Variants in DCDC2 observed in about 807,000 individuals in gnomAD.
The protein encoded by DCDC2 is doublecortin domain-containing protein 2.
DCDC2 carries 40 observed loss-of-function variants against 50.2 expected under a neutral mutation model. The observed-to-expected ratio is 0.80, with a 90% CI of 0.62 to 1.04. The LOEUF (loss-of-function observed/expected upper bound fraction) is 1.04. Among genes scored for constraint, DCDC2 ranks in the 50% least tolerant of loss-of-function variants. DCDC2 has a pLI of 0.00. For synonymous variants in DCDC2, 234 were observed against 210.6 expected (o/e 1.11, Z -0.96); for missense variants, 570 against 581.9 (o/e 0.98, Z 0.21).
chr6:24,228,038 A>G (rs1463985436), intron 7 of DCDC2, among the ~76,000 whole-genome samples: 1 of 152,222 alleles, frequency 6.6e-6, no homozygotes. Flanking sequence ...GTTTTAATTC[A>G]TAGGTGGAAA....
intron 7 of DCDC2, among the ~76,000 whole-genome samples, chr6:24,244,640 T>G (rs1181159477): frequency 2.0e-5 from 3 of 152,216 alleles, no homozygotes; most frequent in Non-Finnish European, 4.4e-5. Flanking sequence ...CTCCTACTTT[T>G]CCTCTCCATT....
intron 2 of DCDC2, among the ~76,000 whole-genome samples, chr6:24,315,615 G>T (rs1391380383): frequency 6.6e-6 from 1 of 152,102 alleles, no homozygotes; most frequent in Non-Finnish European, 1.5e-5. Context: ...AACAGAGAGG[G>T]TTAGTGATAC....
At chr6:24,352,151 AC>A in intron 2 of DCDC2, among the ~76,000 whole-genome samples, 1 of 152,168 alleles carries the variant, frequency 6.6e-6, no homozygotes. Context: ...TCTATTGCAC[AC>A]CTGTTGTCTT....
intron 2 of DCDC2, among the ~76,000 whole-genome samples, chr6:24,324,332 GAA>G (rs1204128095): frequency 2.6e-5 from 4 of 152,158 alleles, no homozygotes; most frequent in Non-Finnish European, 5.9e-5. Flanking sequence ...CTACTAGAAT[GAA>G]ACACATTCAC....
At chr6:24,252,487 T>C (rs185174977) in intron 7 of DCDC2, among the ~76,000 whole-genome samples, 6 of 152,188 alleles carry the variant, frequency 3.9e-5, no homozygotes, top group African/African-American at 7.2e-5. Flanking sequence ...AGGGCGATGA[T>C]TGAAACCAGA....
intron 4 of DCDC2, among the ~76,000 whole-genome samples, chr6:24,295,591 A>G (rs1166117195): frequency 6.6e-6 from 1 of 152,178 alleles, no homozygotes; most frequent in Admixed American, 6.5e-5. Flanking sequence ...TCGGCCCAAA[A>G]GCTCTTTCAG....
intron 2 of DCDC2, among the ~76,000 whole-genome samples, chr6:24,306,756 TG>T (rs1477250254): frequency 2.6e-5 from 4 of 152,166 alleles, no homozygotes; most frequent in Admixed American, 2.6e-4. Context: ...ATGTCACAGA[TG>T]ACCATACAAA....
chr6:24,279,019 G>A (rs924132919), intron 6 of DCDC2, among the ~76,000 whole-genome samples: 4 of 152,050 alleles, frequency 2.6e-5, no homozygotes, highest in Middle Eastern at 3.2e-3. Context: ...GTTATCTCTG[G>A]TCCCCATGTG....
At chr6:24,273,467 A>G (rs928157375) in intron 7 of DCDC2, among the ~76,000 whole-genome samples, 7 of 152,240 alleles carry the variant, frequency 4.6e-5, no homozygotes, top group Non-Finnish European at 1.0e-4. Context: ...TTTCTGGTAT[A>G]GGGTGAATGT....
At chr6:24,194,470 G>A (rs750247227) in intron 8 of DCDC2, among the ~76,000 whole-genome samples, 1 of 152,074 alleles carries the variant, frequency 6.6e-6, no homozygotes, top group African/African-American at 2.4e-5. Context: ...TCACTCCAAA[G>A]TTACTATCTC....
intron 4 of DCDC2, among the ~76,000 whole-genome samples, chr6:24,295,888 G>T (rs1759223216): frequency 6.6e-6 from 1 of 152,086 alleles, no homozygotes; most frequent in Non-Finnish European, 1.5e-5. Flanking sequence ...CATGAAAATG[G>T]CCATATACTG....
chr6:24,246,479 C>CTTTTTTTTTTTTTTTTTTTTTT (rs4052666), intron 7 of DCDC2, among the ~76,000 whole-genome samples: 1 of 70,782 alleles, frequency 1.4e-5, no homozygotes, highest in Non-Finnish European at 2.4e-5. Flanking sequence ...TTTTCTTTTT[C>CTTTTTTTTTTTTTTTTTTTTTT]TTTTTTTTTT....
At chr6:24,239,038 G>A (rs1177291611) in intron 7 of DCDC2, among the ~76,000 whole-genome samples, 2 of 152,138 alleles carry the variant, frequency 1.3e-5, no homozygotes, top group African/African-American at 4.8e-5. Flanking sequence ...TCTGTGGTAG[G>A]TTGCCATACT....
At chr6:24,198,042 T>C (rs1581580946) in intron 8 of DCDC2, among the ~76,000 whole-genome samples, 2 of 152,144 alleles carry the variant, frequency 1.3e-5, no homozygotes, top group South Asian at 4.1e-4. Context: ...ACACAACTCC[T>C]AGAAGTACAG....
intron 8 of DCDC2, among the ~76,000 whole-genome samples, chr6:24,196,551 T>C (rs1016270496): frequency 1.3e-5 from 2 of 152,072 alleles, no homozygotes; most frequent in Non-Finnish European, 2.9e-5. Flanking sequence ...CTCCCGATTA[T>C]CTGGAATTAC....
intron 2 of DCDC2, among the ~76,000 whole-genome samples, chr6:24,320,461 A>G (rs1320581219): frequency 1.3e-5 from 2 of 152,130 alleles, no homozygotes; most frequent in Admixed American, 6.5e-5. Flanking sequence ...CTTCCCAAGT[A>G]GCTGGGATTA....
intron 2 of DCDC2, among the ~76,000 whole-genome samples, chr6:24,346,611 C>T (rs779057483): frequency 3.9e-5 from 6 of 151,988 alleles, no homozygotes; most frequent in South Asian, 2.1e-4. Flanking sequence ...TAAATTTAGC[C>T]GGGTGTAGTG....
intron 2 of DCDC2, among the ~76,000 whole-genome samples, chr6:24,345,298 C>T (rs1427844637): frequency 6.6e-6 from 1 of 152,074 alleles, no homozygotes; most frequent in Non-Finnish European, 1.5e-5. Flanking sequence ...GTAGGAAATC[C>T]TATAGTATGT....
intron 2 of DCDC2, among the ~76,000 whole-genome samples, chr6:24,311,698 A>G (rs1179724331): frequency 7.9e-5 from 12 of 152,186 alleles, no homozygotes; most frequent in Admixed American, 7.9e-4. Context: ...GAGCCTCCCC[A>G]TCTCTCAAGG....
Sources: allele counts gnomAD v4.1 joint callset (sites outside exome capture counted in the v4.1 genomes callset), GRCh38; gene constraint gnomAD v4.1.1; transcripts MANE v1.5; gene names NCBI Gene and HGNC (gene_info 2026-07-23, HGNC 2026-07-21).